The following PRDM7 variants were observed in gnomAD, a reference collection of about 807,000 sequenced individuals.
The protein encoded by PRDM7 is histone-lysine N-methyltransferase PRDM7.
A neutral mutation model predicts 64.3 loss-of-function variants in PRDM7; 52 were observed. The observed-to-expected ratio is 0.81, with a 90% CI of 0.65 to 1.02. PRDM7 has a LOEUF of 1.02. PRDM7 is among the 50% of genes least tolerant of loss of function. The probability of loss-of-function intolerance (pLI) is 0.00; values close to 1 mark genes in which losing one functional copy is unlikely to be tolerated. For missense variants in PRDM7, 574 were observed against 597.1 expected (o/e 0.96, Z 0.40); for synonymous variants, 192 against 210.1 (o/e 0.91, Z 0.74).
intron 4 of PRDM7, among the ~76,000 whole-genome samples, chr16:90,069,297 G>C (rs2037924040): frequency 6.6e-6 from 1 of 151,196 alleles, no homozygotes; most frequent in Non-Finnish European, 1.5e-5. Context: ...GGGAAAACTG[G>C]ATATACATAT....
In PRDM7 at chr16:90,075,623, G is replaced by A; in HGVS notation, c.70-149C>T. The A allele has an allele frequency of 2.1e-6, 3 of 1,432,650 alleles. No homozygotes were observed. The South Asian group carries it at 3.5e-5, about 17-fold the overall frequency. The allele number at this position is 1,432,650 out of a possible 1,614,324, so 88.7% of individuals were successfully genotyped here. A position where few individuals can be genotyped will look rare whatever the true frequency, so the allele number is the denominator to read the frequency against. The stretch of plus-strand genomic sequence containing the variant: ...TCCCTCCTTCTCCAGATTGTGTCCT[G>A]TTTAACTGAGCAGACACTGAGCATT... On this transcript the variant is annotated intron_variant, in intron 2 of 10. Coordinates refer to ENST00000449207, the MANE Select transcript of PRDM7 (RefSeq NM_001098173.2). The surrounding 1 kb of genome is among the most constrained non-coding windows in gnomAD (Gnocchi z 4.3).
intron 6 of PRDM7, 102 bp from the exon 7 acceptor site, chr16:90,062,604 C>G: frequency 9.7e-7 from 1 of 1,030,580 alleles, no homozygotes; most frequent in Non-Finnish European, 1.5e-6. Context: ...TAGCATCTAC[C>G]TTTCTACATA....
rs913313012 is a variant in PRDM7, at chr16:90,075,701, C to T, written c.69+141G>A. ...GTCGCTGATGCTAGTGTTCTTTTCT[C>T]CCCCATGTCCTGGCCAGGACCAGCT... On this transcript the variant is annotated intron_variant, in intron 2 of 10. Coordinates refer to ENST00000449207, the MANE Select transcript of PRDM7 (RefSeq NM_001098173.2). The surrounding 1 kb of genome is among the most constrained non-coding windows in gnomAD (Gnocchi z 4.3). The T allele has an allele frequency of 7.9e-7, 1 of 1,262,106 alleles. No homozygotes were observed. Among genetic ancestry groups the T allele is most frequent in the South Asian group, 1.3e-5 (1 of 74,676 alleles). The allele number at this position is 1,262,106 out of a possible 1,614,324, so 78.2% of individuals were successfully genotyped here. A position where few individuals can be genotyped will look rare whatever the true frequency, so the allele number is the denominator to read the frequency against.
At chr16:90,063,873 A>G (rs1415089512) in intron 5 of PRDM7, 105 bp from the exon 6 acceptor site, 213 of 1,380,722 alleles carry the variant, frequency 1.5e-4, no homozygotes, top group Non-Finnish European at 2.0e-4. Context: ...AAACCTTGGA[A>G]ATACCTAGAG....
intron 4 of PRDM7, chr16:90,070,055 GA>G (rs60701633): frequency 0.86 from 123,603 of 143,806 alleles, 53,797 homozygotes; most frequent in East Asian, 0.99. Context: ...AACTCTGTCT[GA>G]AAAAAAAAAA....
intron 4 of PRDM7, among the ~76,000 whole-genome samples, 182 bp downstream of exon 4, chr16:90,074,734 C>T (rs1425525708): frequency 6.6e-6 from 1 of 152,048 alleles, no homozygotes; most frequent in Non-Finnish European, 1.5e-5. Context: ...AAAAAATTAG[C>T]TGAGTGTGGT....
chr16:90,058,083 A>C lies in PRDM7; in HGVS notation c.*206T>G. 6.2e-7 allele frequency: 1 copy of C among 1,613,548 alleles called. No homozygotes were observed. Among genetic ancestry groups the C allele is most frequent in the East Asian group, 2.2e-5 (1 of 44,854 alleles). On this transcript the variant is annotated 3_prime_UTR_variant, in exon 11 of 11. Transcript: ENST00000449207. ...TAATAACATCTGACTTATCACTGAAACCTTGCCCACACTCTCCATATTTGA... is the reference window on the plus strand; with the variant it reads ...TAATAACATCTGACTTATCACTGAACCCTTGCCCACACTCTCCATATTTGA...
In PRDM7 at chr16:90,062,048, C is replaced by G. The variant is rs778516297; in HGVS notation, c.755G>C (p.Gly252Ala). 1 of 1,614,126 alleles carries G rather than the reference C, an allele frequency of 6.2e-7. No homozygotes were observed. The highest frequency in any genetic ancestry group is 8.5e-7 in the Non-Finnish European group (1 of 1,180,048). ...LPPGLRIGPS[G>A]IPQAGLGVWN... ...TACTCCAAGCCCAGCCTGAGGGATG[C>G]CTGATGGCCCAATTCTCAGCCCCGG... The change falls in exon 8 of 11, where the codon GGC becomes GCC. Residue 252 changes from glycine to alanine, a missense_variant. Gly to Ala is a moderately conservative substitution (Grantham distance 60). Coordinates refer to ENST00000449207, the MANE Select transcript of PRDM7 (RefSeq NM_001098173.2).
chr16:90,072,705 G>A (rs1243671493), intron 4 of PRDM7, among the ~76,000 whole-genome samples: 1 of 152,218 alleles, frequency 6.6e-6, no homozygotes, highest in African/African-American at 2.4e-5. Flanking sequence ...AAAATTGTTA[G>A]AAGAGTAAAT....
In PRDM7 at chr16:90,063,712, C is replaced by A. The variant is rs770201192; in HGVS notation, c.408G>T (p.Thr136=). 1 of 1,614,050 alleles carries A rather than the reference C, an allele frequency of 6.2e-7. No individual in the cohort carries two copies. The highest frequency in any genetic ancestry group is 1.3e-5 in the African/African-American group (1 of 74,920). Residue 136 remains threonine (T), a synonymous_variant, in exon 6 of 11, where the codon ACG becomes ACT. Coordinates refer to ENST00000449207, the MANE Select transcript of PRDM7 (RefSeq NM_001098173.2). ...NESSLRELSG[T]PNLLNTSDSE... The stretch of plus-strand genomic sequence containing the variant: ...AGTCACTTGTATTCAGTAAATTTGG[C>A]GTTCCTGACAATTCTCTCAAACTAG...
chr16:90,074,939 T>C lies in PRDM7; in HGVS notation c.278A>G (p.Glu93Gly). 6.2e-7 allele frequency: 1 copy of C among 1,614,112 alleles called. No homozygotes were observed. The change falls in exon 4 of 11, where the codon GAA becomes GGA. Residue 93 changes from glutamate (E) to glycine (G), a missense_variant. Physicochemically the swap from Glu to Gly is moderately conservative, Grantham distance 98 (BLOSUM62 -2). Transcript: ENST00000449207. ...LQVDDTEDSD[E>G]EWTPRQQVKP... The stretch of plus-strand genomic sequence containing the variant: ...ACCTTGCTGCCTAGGTGTCCATTCT[T>C]CATCGGAATCTTCTGTGTCATCCAC...
In PRDM7 at chr16:90,058,011, C is replaced by T. The variant is rs1597679516; in HGVS notation, c.*278G>A. The T allele has an allele frequency of 2.5e-6, 4 of 1,608,586 alleles. No individual in the cohort carries two copies. The Admixed American group carries it at 5.0e-5, about 20-fold the overall frequency. ...GACTTCCGGCTAAAGCCCTCCCACA[C>T]TCTCTGCAGACGTAGGGCTTCCCCC... On this transcript the variant is annotated 3_prime_UTR_variant, in exon 11 of 11. Coordinates refer to ENST00000449207, the MANE Select transcript of PRDM7 (RefSeq NM_001098173.2).
chr16:90,066,360 C>G (rs1182557357), intron 5 of PRDM7, among the ~76,000 whole-genome samples: 1 of 151,048 alleles, frequency 6.6e-6, no homozygotes, highest in East Asian at 1.9e-4. Context: ...CAGAGAAAAA[C>G]TGAGGTTGAA....
chr16:90,074,384 CT>C (rs1597694483), intron 4 of PRDM7, among the ~76,000 whole-genome samples: 1 of 152,078 alleles, frequency 6.6e-6, no homozygotes, highest in East Asian at 1.9e-4. Flanking sequence ...CGAGACCAGC[CT>C]GGCCAACATG....
Position 90,075,020 on chromosome 16 carries a change from A to G in PRDM7, c.197T>C (p.Leu66Pro). 1 of 1,614,128 alleles carries G rather than the reference A, an allele frequency of 6.2e-7. No homozygotes were observed. The highest frequency in any genetic ancestry group is 2.2e-5 in the East Asian group (1 of 44,876). Residue 66 changes from leucine to proline, a missense_variant, in exon 4 of 11, where the codon CTC becomes CCC. Physicochemically the swap from Leu to Pro is moderately conservative, Grantham distance 98. Coordinates refer to ENST00000449207, the MANE Select transcript of PRDM7 (RefSeq NM_001098173.2). This position sits in a 1 kb window ranked among gnomAD's most constrained non-coding sequence, Gnocchi z 4.3. The part of the protein sequence containing the change: ...MNYNALITVG[L>P]RATRPAFMCH... ...CATGAAAGCTGGTCGAGTGGCTCTG[A>G]GACCTGAAAAGAAGCAAAAAATTTT...
intron 5 of PRDM7, among the ~76,000 whole-genome samples, chr16:90,065,197 T>C (rs2037850810): frequency 6.8e-6 from 1 of 147,596 alleles, no homozygotes; most frequent in Non-Finnish European, 1.5e-5. Flanking sequence ...AGGTCAGGAA[T>C]TTGAGACCAG....
rs1285130012 is a variant in PRDM7 at position 90,060,434 on chromosome 16, A to C, written c.1140T>G (p.Ala380=). 1.9e-6 allele frequency: 3 copies of C among 1,613,690 alleles called. No individual in the cohort carries two copies. Among genetic ancestry groups the C allele is most frequent in the Non-Finnish European group, 2.5e-6 (3 of 1,179,832 alleles). Residue 380 remains alanine, a synonymous_variant, in exon 10 of 11, where the codon GCT becomes GCG. Coordinates refer to ENST00000449207, the MANE Select transcript of PRDM7 (RefSeq NM_001098173.2). Reference sequence around the variant, plus strand: ...TCCCCATACCAGACCAGCAGTTCACAGCCTGGCCTAATGACTCGGCAGGTT... The same window carrying C: ...TCCCCATACCAGACCAGCAGTTCACCGCCTGGCCTAATGACTCGGCAGGTT... ...SIEPAESLGQ[A]VNCWSGMGMS... is the part of the protein sequence containing the mutation.
chr16:90,062,981 T>A (rs1396455983), intron 6 of PRDM7, among the ~76,000 whole-genome samples: 5 of 152,224 alleles, frequency 3.3e-5, no homozygotes, highest in African/African-American at 1.2e-4. Flanking sequence ...CATTTATATT[T>A]AATTTAATGA....
Position 90,066,883 on chromosome 16 carries a change from C to G in PRDM7, c.329G>C (p.Gly110Ala). 1.9e-6 allele frequency: 3 copies of G among 1,599,568 alleles called. No homozygotes were observed. In the South Asian group the frequency reaches 3.3e-5, roughly 18 times the overall value. The stretch of plus-strand genomic sequence containing the variant: ...TACCTTCTGGTGTTTACTCTGTTCT[C>G]CTCTGAAGGCCATCCAAGGAGGTTT... Reference protein sequence around the residue: ...QVKPPWMAFRGEQSKHQKGMP... With the variant: ...QVKPPWMAFRAEQSKHQKGMP... The change falls in exon 5 of 11, where the codon GGA becomes GCA. Residue 110 changes from glycine to alanine, a missense_variant. Coordinates refer to ENST00000449207, the MANE Select transcript of PRDM7 (RefSeq NM_001098173.2).
Sources: gnomAD v4.1 joint callset for allele counts (sites outside exome capture counted in the v4.1 genomes callset) on GRCh38, gnomAD v4.1.1 for gene constraint, Gnocchi (gnomAD v3.1) non-coding constraint, MANE v1.5 for transcripts, NCBI Gene and HGNC (gene_info 2026-07-23, HGNC 2026-07-21) for gene names.